KAZN: variants seen among roughly 807,000 people sequenced by gnomAD.
KAZN encodes the protein kazrin.
In KAZN, 40 loss-of-function variants were observed where a neutral mutation model predicts 87.4. The ratio of observed to expected loss-of-function variants is 0.46; its 90% CI spans 0.36 to 0.60. The LOEUF is 0.60. Ranked by LOEUF, KAZN falls within the 20% of genes least tolerant of loss-of-function variation. KAZN has a pLI of 0.00. For missense variants in KAZN, 898 were observed against 1,073.9 expected, an observed-to-expected ratio of 0.84 and a Z score of 2.29; for synonymous variants, 466 against 458.3, an observed-to-expected ratio of 1.02 and a Z score of -0.22.
rs188744141 is a variant in KAZN, at chr1:14,773,400, C to A, written c.226+174177C>A. On this transcript the variant is annotated intron_variant, in intron 1 of 14. Coordinates refer to ENST00000376030, the MANE Select transcript of KAZN (RefSeq NM_201628.3). This position sits in a 1 kb window ranked among gnomAD's most constrained non-coding sequence, Gnocchi z 5.9. ...GCTTTCAACAACGCCCTCCACTCCA[C>A]GGGGTCTCCCTTCTTGTAGCATTTT... Among the ~76,000 whole-genome samples, 3 of 152,130 alleles carry A rather than the reference C, an allele frequency of 2.0e-5. No individual in the cohort carries two copies. Among genetic ancestry groups the A allele is most frequent in the African/African-American group, 7.2e-5 (3 of 41,430 alleles).
At chr1:14,884,448 C>T (rs1653822845) in intron 1 of KAZN, among the ~76,000 whole-genome samples, 1 of 152,128 alleles carries the variant, frequency 6.6e-6, no homozygotes, top group African/African-American at 2.4e-5. Flanking sequence ...TACCGTGCCA[C>T]TGAATTAAAG....
chr1:14,901,269 GTGACAAGT>G (rs1655852546), intron 1 of KAZN, among the ~76,000 whole-genome samples: 1 of 152,038 alleles, frequency 6.6e-6, no homozygotes, highest in Non-Finnish European at 1.5e-5. Context: ...GGTGCAGCAG[GTGACAAGT>G]CCCCAAGGTG....
chr1:14,757,443 C>T (rs1644601635), intron 1 of KAZN, among the ~76,000 whole-genome samples: 1 of 152,208 alleles, frequency 6.6e-6, no homozygotes, highest in Non-Finnish European at 1.5e-5. Context: ...CCCAGCTCTT[C>T]CACATACTAG....
At chr1:14,727,102 T>C (rs139732169) in intron 1 of KAZN, among the ~76,000 whole-genome samples, 1 of 152,272 alleles carries the variant, frequency 6.6e-6, no homozygotes. Context: ...GATGTCTCTT[T>C]TGAGGTTTTT....
chr1:14,710,675 C>G (rs1044556201), intron 1 of KAZN, among the ~76,000 whole-genome samples: 1 of 152,184 alleles, frequency 6.6e-6, no homozygotes, highest in Non-Finnish European at 1.5e-5. Flanking sequence ...GGGGAGAGTC[C>G]TTTTTCCATT....
At chr1:14,425,507 A>G (rs1665670887) in intron 2 of KAZN, among the ~76,000 whole-genome samples, 1 of 152,208 alleles carries the variant, frequency 6.6e-6, no homozygotes, top group African/African-American at 2.4e-5. Flanking sequence ...ACAATAGTGC[A>G]GTAAGATAAG....
chr1:14,986,380 C>T (rs139065479), intron 2 of KAZN, among the ~76,000 whole-genome samples: 268 of 152,282 alleles, frequency 1.8e-3, no homozygotes, highest in African/African-American at 6.2e-3. Context: ...CTTGCACTGG[C>T]CAAGCTCTGG....
chr1:14,829,155 T>C (rs1190839181), intron 1 of KAZN, among the ~76,000 whole-genome samples: 1 of 152,186 alleles, frequency 6.6e-6, no homozygotes, highest in Non-Finnish European at 1.5e-5. Flanking sequence ...AGACAGCTAA[T>C]AGTGTCGTGA....
chr1:15,039,201 A>G (rs1019210726), intron 3 of KAZN, among the ~76,000 whole-genome samples: 2 of 151,630 alleles, frequency 1.3e-5, no homozygotes, highest in African/African-American at 4.9e-5. Flanking sequence ...TTTAATAGCA[A>G]TCCTTCGAGG....
chr1:14,569,103 T>G (rs933712441), intron 2 of KAZN, among the ~76,000 whole-genome samples: 4 of 152,232 alleles, frequency 2.6e-5, no homozygotes, highest in African/African-American at 9.6e-5. Context: ...CTCCCATGTT[T>G]TTCCTAAGGC....
chr1:14,050,069 G>A (rs1458315106), intron 1 of KAZN, among the ~76,000 whole-genome samples: 1 of 151,942 alleles, frequency 6.6e-6, no homozygotes, highest in African/African-American at 2.4e-5. Flanking sequence ...GTGGGGGCAT[G>A]CATTGCACAT....
chr1:14,850,638 C>T (rs575125338), intron 1 of KAZN, among the ~76,000 whole-genome samples: 42 of 152,152 alleles, frequency 2.8e-4, no homozygotes, highest in Non-Finnish European at 3.7e-4. Flanking sequence ...AACTTGAGGA[C>T]GGGGCCACAT....
intron 1 of KAZN, among the ~76,000 whole-genome samples, chr1:14,144,651 A>C (rs1645307904): frequency 1.3e-5 from 2 of 152,168 alleles, no homozygotes; most frequent in Admixed American, 1.3e-4. Flanking sequence ...TTATAAAGAA[A>C]AGAGGTTACT....
intron 2 of KAZN, among the ~76,000 whole-genome samples, chr1:14,497,478 C>A (rs1010479024): frequency 1.3e-5 from 2 of 151,936 alleles, no homozygotes; most frequent in Admixed American, 1.3e-4. Context: ...AGAGTCATTT[C>A]CCTACCTTAG....
At chr1:14,792,998 G>T (rs553831863) in intron 1 of KAZN, among the ~76,000 whole-genome samples, 1 of 148,702 alleles carries the variant, frequency 6.7e-6, no homozygotes, top group East Asian at 2.0e-4. Context: ...AAAACATTCA[G>T]GACACAGTTG....
At position 14,996,146 on chromosome 1, in the gene KAZN, G is replaced by A. The variant is rs67765457; in HGVS notation, c.418+35271G>A. Among the ~76,000 whole-genome samples, 9,843 of 152,198 alleles carry A rather than the reference G, an allele frequency of 0.065. 438 individuals carry two copies. Among genetic ancestry groups the A allele is most frequent in the Middle Eastern group, 0.13 (37 of 294 alleles). ...TCAGTTTCCAGGCTATTTTCTCACC[G>A]CAGAACTCACTGGGCCTTCTGGGTC... On this transcript the variant is annotated intron_variant, in intron 2 of 14. Transcript: ENST00000376030. This position sits in a 1 kb window ranked among gnomAD's most constrained non-coding sequence, Gnocchi z 5.9.
At chr1:14,248,611 AG>A (rs1410223582) in intron 2 of KAZN, among the ~76,000 whole-genome samples, 1 of 152,236 alleles carries the variant, frequency 6.6e-6, no homozygotes, top group Non-Finnish European at 1.5e-5. Flanking sequence ...AAGACTGGGA[AG>A]GGGAGAATGT....
chr1:14,893,556 C>T (rs1036958172), intron 1 of KAZN, among the ~76,000 whole-genome samples: 1 of 150,194 alleles, frequency 6.7e-6, no homozygotes, highest in African/African-American at 2.5e-5. Flanking sequence ...TCCTCCACAC[C>T]CTAACCTTGA....
chr1:14,367,763 G>C (rs7548984), intron 2 of KAZN, among the ~76,000 whole-genome samples: 32,491 of 152,106 alleles, frequency 0.21, 4,354 homozygotes, highest in Non-Finnish European at 0.3. Flanking sequence ...TGCGTGATTT[G>C]ATGGCAGGAG....
Sources: allele counts gnomAD v4.1 joint callset (sites outside exome capture counted in the v4.1 genomes callset), GRCh38; gene constraint gnomAD v4.1.1; non-coding constraint Gnocchi (gnomAD v3.1); transcripts MANE v1.5; gene names NCBI Gene and HGNC (gene_info 2026-07-23, HGNC 2026-07-21).